SOCS7: variants seen among roughly 807,000 people sequenced by gnomAD.
SOCS7 encodes the protein NAP-4.
SOCS7 carries 18 observed loss-of-function variants against 58.9 expected under a neutral mutation model. That is an observed-to-expected ratio of 0.31 (90% CI 0.21 to 0.45). The LOEUF is 0.45. SOCS7 is among the 20% of genes least tolerant of loss of function. The pLI is 1.00. For synonymous variants in SOCS7, 388 were observed against 364.3 expected, an observed-to-expected ratio of 1.06 and a Z score of -0.74; for missense variants, 667 against 837.3, an observed-to-expected ratio of 0.80 and a Z score of 2.51.
At chr17:38,386,977 T>C (rs2038075440) in intron 7 of SOCS7, among the ~76,000 whole-genome samples, 1 of 148,168 alleles carries the variant, frequency 6.7e-6, no homozygotes, top group Admixed American at 6.8e-5. Context: ...TCCCAGCTAC[T>C]CGGGCAGCTG....
At chr17:38,378,976 G>A (rs1001206091) in intron 7 of SOCS7, among the ~76,000 whole-genome samples, 1 of 151,938 alleles carries the variant, frequency 6.6e-6, no homozygotes, top group Non-Finnish European at 1.5e-5. Context: ...TGGGCAACAT[G>A]GTGAAACCAT....
chr17:38,393,293 C>T (rs1328836716), intron 7 of SOCS7, among the ~76,000 whole-genome samples: 1 of 151,996 alleles, frequency 6.6e-6, no homozygotes, highest in East Asian at 1.9e-4. Context: ...CCTTGGGATG[C>T]GGTGTACATG....
chr17:38,384,530 G>A (rs377378938), intron 7 of SOCS7, among the ~76,000 whole-genome samples: 163 of 152,198 alleles, frequency 1.1e-3, no homozygotes, highest in African/African-American at 3.7e-3. Flanking sequence ...CTGGGCTCAA[G>A]TGATCTTCCC....
At chr17:38,389,531 T>C (rs2144388736) in intron 7 of SOCS7, among the ~76,000 whole-genome samples, 1 of 152,148 alleles carries the variant, frequency 6.6e-6, no homozygotes, top group African/African-American at 2.4e-5. Flanking sequence ...ACTCCAGCTT[T>C]TATTTTATCT....
chr17:38,388,961 T>C (rs1363324019), intron 7 of SOCS7, among the ~76,000 whole-genome samples: 3 of 152,224 alleles, frequency 2.0e-5, no homozygotes, highest in African/African-American at 4.8e-5. Context: ...TACAGCTGTT[T>C]ATGTGAATAT....
chr17:38,388,344 C>G (rs1567749985), intron 7 of SOCS7, among the ~76,000 whole-genome samples: 1 of 151,200 alleles, frequency 6.6e-6, no homozygotes, highest in Non-Finnish European at 1.5e-5. Flanking sequence ...GAAACCCCAT[C>G]TTGATAAAAA....
intron 1 of SOCS7, among the ~76,000 whole-genome samples, chr17:38,360,452 A>G (rs2037701936): frequency 6.6e-6 from 1 of 152,116 alleles, no homozygotes; most frequent in African/African-American, 2.4e-5. Context: ...TGGCCTCCCA[A>G]AGTGTTGGGA....
intron 1 of SOCS7, among the ~76,000 whole-genome samples, chr17:38,360,809 G>A (rs1481978227): frequency 6.6e-6 from 1 of 152,232 alleles, no homozygotes; most frequent in Non-Finnish European, 1.5e-5. Context: ...AAAGTGCTGG[G>A]ATTACAGGCA....
At chr17:38,399,001 A>G (rs2038281686) in intron 9 of SOCS7, among the ~76,000 whole-genome samples, 1 of 151,952 alleles carries the variant, frequency 6.6e-6, no homozygotes, top group Non-Finnish European at 1.5e-5. Context: ...GAGACAGGAG[A>G]ATCTTGAACC....
intron 1 of SOCS7, among the ~76,000 whole-genome samples, chr17:38,356,483 T>G (rs1474659259): frequency 1.3e-5 from 2 of 151,720 alleles, no homozygotes; most frequent in Non-Finnish European, 2.9e-5. Flanking sequence ...GTTCAAGCCA[T>G]TCTCCCGAAT....
In SOCS7 at chr17:38,403,108, A is replaced by G. The variant is rs2038343954; in HGVS notation, c.*3626A>G. On this transcript the variant is annotated 3_prime_UTR_variant, in exon 10 of 10. Coordinates refer to ENST00000612932, the MANE Select transcript of SOCS7 (RefSeq NM_014598.4). ...TGTGCCTAGGCCAAGTGAATGTTAC[A>G]TCTTGGAACCTGAGCCATGGAGGTG... 1 of 152,048 alleles carries G rather than the reference A, an allele frequency of 6.6e-6. No homozygotes were observed. Among genetic ancestry groups the G allele is most frequent in the Non-Finnish European group, 1.5e-5 (1 of 68,042 alleles). 9.4% of individuals were successfully genotyped at this position (152,048 alleles called of 1,614,324 possible). A position where few individuals can be genotyped will look rare whatever the true frequency, so the allele number is the denominator to read the frequency against.
intron 2 of SOCS7, 105 bp from the exon 3 acceptor site, chr17:38,364,647 C>T (rs1555568018): frequency 1.2e-6 from 1 of 851,888 alleles, no homozygotes; most frequent in Non-Finnish European, 2.0e-6. Flanking sequence ...TTTCTGAGAG[C>T]AGCAGACCCC....
intron 7 of SOCS7, among the ~76,000 whole-genome samples, chr17:38,383,027 C>T (rs1671003347): frequency 6.6e-6 from 1 of 151,978 alleles, no homozygotes; most frequent in Non-Finnish European, 1.5e-5. Context: ...GTGACAATCA[C>T]ATTATGTCTC....
At chr17:38,384,989 C>T (rs759228006) in intron 7 of SOCS7, among the ~76,000 whole-genome samples, 7 of 150,540 alleles carry the variant, frequency 4.6e-5, no homozygotes, top group African/African-American at 9.8e-5. Flanking sequence ...CTCCGCCTTC[C>T]GGTTTTGAGC....
intron 7 of SOCS7, 59 bp from the exon 8 acceptor site, chr17:38,395,250 A>G: frequency 6.3e-7 from 1 of 1,584,264 alleles, no homozygotes. Flanking sequence ...TTCATACAAG[A>G]AATGGTAGTT....
chr17:38,364,940 C>A, intron 3 of SOCS7, 84 bp downstream of exon 3: 1 of 1,007,086 alleles, frequency 9.9e-7, no homozygotes, highest in Non-Finnish European at 1.5e-6. Context: ...GCCGACCACG[C>A]TTCTGGGTTT....
At chr17:38,374,408 C>T (rs755135898) in intron 6 of SOCS7, among the ~76,000 whole-genome samples, 1 of 151,884 alleles carries the variant, frequency 6.6e-6, no homozygotes, top group African/African-American at 2.4e-5. Context: ...CACTGTCATG[C>T]GTACCTGTAG....
chr17:38,352,860 C>T lies in SOCS7; in HGVS notation c.808C>T (p.Arg270Trp), dbSNP rs905078571. ...CCTCCGGCCACTCGCGGGTCCTTCT[C>T]GGAAGGGCTCCTTCAAAATCCGCCT... ...GPLRPLAGPS[R>W]KGSFKIRLSR... The change falls in exon 1 of 10, where the codon CGG (arginine) becomes TGG (tryptophan). Residue 270 changes from arginine to tryptophan, a missense_variant. Arg to Trp is a moderately radical substitution (Grantham distance 101). Coordinates refer to ENST00000612932, the MANE Select transcript of SOCS7 (RefSeq NM_014598.4). This position sits in a 1 kb window ranked among gnomAD's most constrained non-coding sequence, Gnocchi z 5.5. 3 of 1,588,244 alleles carry T rather than the reference C, an allele frequency of 1.9e-6. No homozygotes were observed. The African/African-American group carries it at 4.0e-5, about 21-fold the overall frequency.
At chr17:38,392,146 T>C (rs1171683388) in intron 7 of SOCS7, among the ~76,000 whole-genome samples, 1 of 152,214 alleles carries the variant, frequency 6.6e-6, no homozygotes, top group African/African-American at 2.4e-5. Flanking sequence ...GAGTTCTAAT[T>C]GTTTGTTGGC....
Sources: gnomAD v4.1 joint callset for allele counts (sites outside exome capture counted in the v4.1 genomes callset) on GRCh38, gnomAD v4.1.1 for gene constraint, Gnocchi (gnomAD v3.1) non-coding constraint, MANE v1.5 for transcripts, NCBI Gene and HGNC (gene_info 2026-07-23, HGNC 2026-07-21) for gene names.